The following PI4K2B variants were observed in gnomAD, a reference collection of about 807,000 sequenced individuals.
PI4K2B encodes phosphatidylinositol 4-kinase type 2-beta.
PI4K2B carries 46 observed loss-of-function variants against 56.6 expected under a neutral mutation model. The ratio of observed to expected loss-of-function variants is 0.81; its 90% CI spans 0.64 to 1.04. The LOEUF is 1.04. PI4K2B is among the 50% of genes least tolerant of loss of function. The pLI is 0.00. For missense variants in PI4K2B, 556 were observed against 607.7 expected (o/e 0.91, Z 0.89); for synonymous variants, 211 against 223.8 (o/e 0.94, Z 0.51).
intron 1 of PI4K2B, among the ~76,000 whole-genome samples, chr4:25,236,382 C>G (rs942142574): frequency 3.9e-5 from 6 of 151,964 alleles, no homozygotes; most frequent in African/African-American, 1.5e-4. Flanking sequence ...GAAACCCTGC[C>G]TCTACTAAAA....
chr4:25,279,131 T>C lies in PI4K2B; in HGVS notation c.*1944T>C, dbSNP rs1209777588. The C allele has an allele frequency of 1.3e-5, 2 of 152,572 alleles. No homozygotes were observed. The highest frequency in any genetic ancestry group is 2.4e-5 in the African/African-American group (1 of 41,438). The allele number at this position is 152,572 out of a possible 1,614,324, so 9.5% of individuals were successfully genotyped here. On this transcript the variant is annotated 3_prime_UTR_variant, in exon 10 of 10. Transcript: ENST00000264864. ...GTACGTGTTTGGAATATTTAGAATG[T>C]TTATGAACACATTTACTATAAATGA...
At chr4:25,239,181 C>G (rs953720459) in intron 1 of PI4K2B, among the ~76,000 whole-genome samples, 1 of 151,862 alleles carries the variant, frequency 6.6e-6, no homozygotes, top group Non-Finnish European at 1.5e-5. Context: ...TGGCTTCACC[C>G]AGTGGATCCC....
intron 1 of PI4K2B, among the ~76,000 whole-genome samples, chr4:25,246,405 C>T (rs1249725876): frequency 6.6e-6 from 1 of 152,204 alleles, no homozygotes; most frequent in Non-Finnish European, 1.5e-5. Context: ...AAAAGTTCTC[C>T]ATGTCCCCAC....
At position 25,237,342 on chromosome 4, in the gene PI4K2B, GTT is replaced by G. The variant is rs36107923; in HGVS notation, c.268+2922_268+2923del. ...ACCCTGTGATGTGAGTACTATTTTT[GTT>G]TTTTTTTTTTGTTTTTGGCAGTGGG... On this transcript the variant is annotated intron_variant, in intron 1 of 9. Transcript: ENST00000264864. 9.2e-4 allele frequency among the ~76,000 whole-genome samples: 133 copies of G among 144,582 alleles called. 3 individuals carry two copies. The South Asian group carries it at 0.023, about 25-fold the overall frequency. The allele number at this position is 144,582 out of a possible 152,430, so 94.9% of individuals were successfully genotyped here.
chr4:25,260,612 A>G, intron 6 of PI4K2B, 21 bp downstream of exon 6: 1 of 218,782 alleles, frequency 4.6e-6, no homozygotes, highest in Non-Finnish European at 8.0e-6. Context: ...TTACAATTTT[A>G]TATATATATA....
chr4:25,236,091 A>G (rs1006284872), intron 1 of PI4K2B, among the ~76,000 whole-genome samples: 3 of 152,154 alleles, frequency 2.0e-5, no homozygotes, highest in African/African-American at 4.8e-5. Flanking sequence ...TTTAAAGGTA[A>G]TATCTTACCT....
At chr4:25,266,292 A>C (rs1716661967) in intron 7 of PI4K2B, among the ~76,000 whole-genome samples, 1 of 152,128 alleles carries the variant, frequency 6.6e-6, no homozygotes, top group African/African-American at 2.4e-5. Flanking sequence ...TCAGCCTCTC[A>C]AGTAGCTGAG....
intron 1 of PI4K2B, among the ~76,000 whole-genome samples, chr4:25,242,548 A>T (rs1357021154): frequency 6.6e-6 from 1 of 152,208 alleles, no homozygotes; most frequent in Non-Finnish European, 1.5e-5. Flanking sequence ...GTTGGGTACC[A>T]CTGGATATAG....
chr4:25,234,367 C>A lies in PI4K2B; in HGVS notation c.204C>A (p.Pro68=). 1 of 1,406,146 alleles carries A rather than the reference C, an allele frequency of 7.1e-7. No individual in the cohort carries two copies. 87.1% of individuals were successfully genotyped at this position (1,406,146 alleles called of 1,614,324 possible). The change falls in exon 1 of 10, where the codon CCC becomes CCA. Residue 68 remains proline (P), a synonymous_variant. Coordinates refer to ENST00000264864, the MANE Select transcript of PI4K2B (RefSeq NM_018323.4). ...GCGACGAGGAGCTGCCCCTCCCGCC[C>A]GGGGACGTGGGGGTCTCCCGGAGTT... The part of the protein sequence containing the change: ...EAGDEELPLP[P]GDVGVSRSSS...
chr4:25,271,181 C>A (rs538594081), intron 9 of PI4K2B, among the ~76,000 whole-genome samples: 1 of 152,104 alleles, frequency 6.6e-6, no homozygotes, highest in Non-Finnish European at 1.5e-5. Flanking sequence ...AGTGAAGGCT[C>A]GAGAAATAGA....
intron 4 of PI4K2B, 34 bp from the exon 5 acceptor site, chr4:25,259,001 TAC>T: frequency 9.0e-7 from 1 of 1,113,676 alleles, no homozygotes; most frequent in Non-Finnish European, 1.3e-6. Flanking sequence ...CTTGTTCTTG[TAC>T]TTTCTTTTCT....
intron 2 of PI4K2B, among the ~76,000 whole-genome samples, chr4:25,254,093 A>G (rs1716166557): frequency 6.6e-6 from 1 of 152,196 alleles, no homozygotes; most frequent in South Asian, 2.1e-4. Flanking sequence ...CTGAAAAAAT[A>G]GCTGGAAAAG....
intron 1 of PI4K2B, among the ~76,000 whole-genome samples, chr4:25,249,822 G>T (rs1221911472): frequency 6.6e-6 from 1 of 152,198 alleles, no homozygotes; most frequent in Non-Finnish European, 1.5e-5. Context: ...CGGGGTGGCG[G>T]TCGGGCAGAG....
Position 25,269,159 on chromosome 4 carries a change from G to T in PI4K2B, c.1228G>T (p.Asp410Tyr). The change falls in exon 9 of 10, where the codon GAC becomes TAC. Residue 410 changes from aspartate (D) to tyrosine (Y), a missense_variant. Coordinates refer to ENST00000264864, the MANE Select transcript of PI4K2B (RefSeq NM_018323.4). The stretch of plus-strand genomic sequence containing the variant: ...TCTATAATAGACTGACAAAGGATTT[G>T]ACAAAGCCACTTTTGAAAGTCAGAT... ...YELFKTDKGF[D>Y]KATFESQMSV... 6.3e-7 allele frequency: 1 copy of T among 1,582,350 alleles called. No individual in the cohort carries two copies. The highest frequency in any genetic ancestry group is 1.1e-5 in the South Asian group (1 of 90,056).
intron 9 of PI4K2B, among the ~76,000 whole-genome samples, chr4:25,273,014 G>A (rs150023297): frequency 1.3e-3 from 205 of 152,002 alleles, no homozygotes; most frequent in African/African-American, 4.8e-3. Context: ...TTAATGGTTT[G>A]TGCTTTCTAC....
chr4:25,242,756 A>C (rs1715580088), intron 1 of PI4K2B, among the ~76,000 whole-genome samples: 1 of 152,214 alleles, frequency 6.6e-6, no homozygotes, highest in African/African-American at 2.4e-5. Flanking sequence ...TGGTAAGGAA[A>C]AGTGGTGGGA....
intron 1 of PI4K2B, among the ~76,000 whole-genome samples, chr4:25,246,182 C>G (rs543870114): frequency 6.6e-6 from 1 of 152,048 alleles, no homozygotes; most frequent in Non-Finnish European, 1.5e-5. Flanking sequence ...TTGCAAAGAG[C>G]GAAAGAACAA....
intron 1 of PI4K2B, among the ~76,000 whole-genome samples, chr4:25,242,950 G>A (rs577130970): frequency 6.6e-6 from 1 of 152,282 alleles, no homozygotes; most frequent in Admixed American, 6.5e-5. Flanking sequence ...TAAGGGTGTG[G>A]GACTTTCAGG....
chr4:25,234,368 G>A lies in PI4K2B; in HGVS notation c.205G>A (p.Gly69Arg), dbSNP rs1715143850. The change falls in exon 1 of 10, where the codon GGG becomes AGG. Residue 69 changes from glycine to arginine, a missense_variant. Coordinates refer to ENST00000264864, the MANE Select transcript of PI4K2B (RefSeq NM_018323.4). ...CGACGAGGAGCTGCCCCTCCCGCCC[G>A]GGGACGTGGGGGTCTCCCGGAGTTC... is the stretch of plus-strand genomic sequence containing the variant. ...AGDEELPLPP[G>R]DVGVSRSSSA... 1.4e-6 allele frequency: 2 copies of A among 1,402,948 alleles called. No individual in the cohort carries two copies. The highest frequency in any genetic ancestry group is 1.9e-6 in the Non-Finnish European group (2 of 1,077,420). 86.9% of individuals were successfully genotyped at this position (1,402,948 alleles called of 1,614,324 possible). A position where few individuals can be genotyped will look rare whatever the true frequency, so the allele number is the denominator to read the frequency against.
Sources: allele counts gnomAD v4.1 joint callset (sites outside exome capture counted in the v4.1 genomes callset), GRCh38; gene constraint gnomAD v4.1.1; transcripts MANE v1.5; gene names NCBI Gene and HGNC (gene_info 2026-07-23, HGNC 2026-07-21).